CNTN4: variants seen among roughly 807,000 people sequenced by gnomAD.
CNTN4 encodes contactin 4, also known as contactin-4.
In CNTN4, 77 loss-of-function variants were observed where a neutral mutation model predicts 122.5. The observed-to-expected ratio is 0.63, with a 90% CI of 0.52 to 0.76. The LOEUF (loss-of-function observed/expected upper bound fraction) is 0.76, where lower values mean the gene tolerates loss of function less well. CNTN4 is among the 30% of genes least tolerant of loss of function. The pLI is 0.00. For missense variants in CNTN4, 1,256 were observed against 1,259.1 expected, an observed-to-expected ratio of 1.00 and a Z score of 0.04; for synonymous variants, 512 against 447.0, an observed-to-expected ratio of 1.15 and a Z score of -1.83.
At chr3:3,032,838 A>G (rs1031696525) in intron 16 of CNTN4, among the ~76,000 whole-genome samples, 1 of 152,174 alleles carries the variant, frequency 6.6e-6, no homozygotes, top group African/African-American at 2.4e-5. Flanking sequence ...ACATTTGTAC[A>G]TTTTTCATTT....
intron 4 of CNTN4, among the ~76,000 whole-genome samples, chr3:2,612,195 A>G (rs1419860033): frequency 1.3e-5 from 2 of 152,110 alleles, no homozygotes; most frequent in Admixed American, 6.6e-5. Context: ...TAAACCCATC[A>G]TAAGTTAAAA....
At chr3:2,392,417 C>G (rs1413734753) in intron 3 of CNTN4, among the ~76,000 whole-genome samples, 1 of 152,178 alleles carries the variant, frequency 6.6e-6, no homozygotes, top group Admixed American at 6.5e-5. Flanking sequence ...TGGCTTCCTA[C>G]TCATTATGCC....
At chr3:2,254,268 A>G (rs1153502) in intron 2 of CNTN4, among the ~76,000 whole-genome samples, 150,691 of 152,224 alleles carry the variant, frequency 0.99, 74,613 homozygotes, top group Middle Eastern at 1. Flanking sequence ...TATGTGCCAC[A>G]TATTCTTTAT....
intron 4 of CNTN4, among the ~76,000 whole-genome samples, chr3:2,686,536 A>G (rs2085438322): frequency 6.7e-6 from 1 of 148,222 alleles, no homozygotes; most frequent in East Asian, 1.9e-4. Flanking sequence ...TTATTGAGAT[A>G]TAATTAACAT....
At chr3:2,367,496 A>G (rs2045438544) in intron 3 of CNTN4, among the ~76,000 whole-genome samples, 1 of 152,176 alleles carries the variant, frequency 6.6e-6, no homozygotes, top group Non-Finnish European at 1.5e-5. Context: ...TGATGGAAAA[A>G]TGTCACTTGG....
chr3:2,640,862 A>C (rs1255289879), intron 4 of CNTN4, among the ~76,000 whole-genome samples: 2 of 152,202 alleles, frequency 1.3e-5, no homozygotes, highest in Non-Finnish European at 2.9e-5. Flanking sequence ...GGTTCTCATC[A>C]ATACCTCTTT....
At chr3:2,386,703 C>T (rs2046269180) in intron 3 of CNTN4, among the ~76,000 whole-genome samples, 1 of 152,092 alleles carries the variant, frequency 6.6e-6, no homozygotes, top group African/African-American at 2.4e-5. Context: ...GCACATTTTC[C>T]TCTTTAGAAA....
At chr3:2,383,596 C>G (rs1206957092) in intron 3 of CNTN4, among the ~76,000 whole-genome samples, 1 of 151,956 alleles carries the variant, frequency 6.6e-6, no homozygotes, top group Non-Finnish European at 1.5e-5. Context: ...ACTATTTTCT[C>G]TCTCTCTCCT....
intron 2 of CNTN4, among the ~76,000 whole-genome samples, chr3:2,196,835 G>A (rs1231373327): frequency 6.6e-6 from 1 of 151,764 alleles, no homozygotes; most frequent in Non-Finnish European, 1.5e-5. Flanking sequence ...TTATGAGGTC[G>A]GAAGTTCGAG....
chr3:2,916,496 T>C (rs1388215419), intron 12 of CNTN4, among the ~76,000 whole-genome samples: 2 of 148,030 alleles, frequency 1.4e-5, no homozygotes, highest in East Asian at 2.0e-4. Context: ...ACAACACATG[T>C]TTCAGAGAGC....
intron 2 of CNTN4, among the ~76,000 whole-genome samples, chr3:2,329,489 A>G (rs2043627443): frequency 1.3e-5 from 2 of 152,162 alleles, no homozygotes; most frequent in South Asian, 4.1e-4. Flanking sequence ...ATTTTGTTTT[A>G]GACATATTCC....
chr3:2,716,118 C>T (rs1227438026), intron 4 of CNTN4, among the ~76,000 whole-genome samples: 31 of 152,156 alleles, frequency 2.0e-4, no homozygotes, highest in Non-Finnish European at 4.4e-5. Flanking sequence ...GTGTGCGCTA[C>T]CATGCCTGGC....
chr3:2,740,613 A>C (rs916255520), intron 5 of CNTN4, among the ~76,000 whole-genome samples: 1 of 152,134 alleles, frequency 6.6e-6, no homozygotes, highest in African/African-American at 2.4e-5. Context: ...TATAACTTAC[A>C]TACATCTTAT....
At chr3:2,819,838 T>C (rs1206058181) in intron 7 of CNTN4, among the ~76,000 whole-genome samples, 1 of 152,204 alleles carries the variant, frequency 6.6e-6, no homozygotes, top group African/African-American at 2.4e-5. Context: ...ATCATAATGC[T>C]GTTGCTTGGT....
At chr3:2,480,512 A>G (rs968722403) in intron 3 of CNTN4, among the ~76,000 whole-genome samples, 17 of 152,232 alleles carry the variant, frequency 1.1e-4, no homozygotes, top group African/African-American at 3.9e-4. Flanking sequence ...ACATAATACC[A>G]TTTATGTTAG....
intron 7 of CNTN4, among the ~76,000 whole-genome samples, chr3:2,857,944 CAACT>C (rs1171130351): frequency 6.6e-6 from 1 of 152,134 alleles, no homozygotes; most frequent in Non-Finnish European, 1.5e-5. Context: ...CAAAAGTATG[CAACT>C]AAGGGTCAGT....
In CNTN4 at chr3:2,736,243, T is replaced by A. The variant is rs769168400; in HGVS notation, c.84T>A (p.Phe28Leu). Reference sequence around the variant, plus strand: ...ATTCCACACTGCATGGCCCGATTTTTATTCAAGAACCAAGTCCTGTAATGT... The same window carrying A: ...ATTCCACACTGCATGGCCCGATTTTAATTCAAGAACCAAGTCCTGTAATGT... ...ADDSTLHGPI[F>L]IQEPSPVMFP... is the part of the protein sequence containing the mutation. Residue 28 changes from phenylalanine to leucine, a missense_variant, in exon 5 of 25, where the codon TTT becomes TTA. By Grantham distance (22) the Phe-to-Leu change is conservative (BLOSUM62 0). Transcript: ENST00000418658. 11 of 1,613,802 alleles carry A rather than the reference T, an allele frequency of 6.8e-6. No individual in the cohort carries two copies. The highest frequency in any genetic ancestry group is 9.3e-6 in the Non-Finnish European group (11 of 1,179,802).
chr3:2,559,907 G>A (rs570533184), intron 3 of CNTN4, among the ~76,000 whole-genome samples: 22 of 152,246 alleles, frequency 1.4e-4, no homozygotes, highest in South Asian at 2.1e-4. Flanking sequence ...GAACTTTACC[G>A]TGATACCCAG....
Position 2,767,919 on chromosome 3 carries a change from A to T in CNTN4, c.358+22222A>T, listed in dbSNP as rs576281043. Among the ~76,000 whole-genome samples, 15 of 152,324 alleles carry T rather than the reference A, an allele frequency of 9.8e-5. 1 individual carries two copies. The highest frequency in any genetic ancestry group is 3.4e-4 in the African/African-American group (14 of 41,580). On this transcript the variant is annotated intron_variant, in intron 6 of 24. Transcript: ENST00000418658. ...TTTAAGTGGTTAGAAGGCAGAATTT[A>T]AAATATTGTCACATAGCAGTGGGCG...
Sources: allele counts gnomAD v4.1 joint callset (sites outside exome capture counted in the v4.1 genomes callset), GRCh38; gene constraint gnomAD v4.1.1; transcripts MANE v1.5; gene names NCBI Gene and HGNC (gene_info 2026-07-23, HGNC 2026-07-21).